Variants in FGF2 observed in about 807,000 individuals in gnomAD.
FGF2 encodes basic fibroblast growth factor bFGF.
A neutral mutation model predicts 15.9 loss-of-function variants in FGF2; 13 were observed. The observed-to-expected ratio is 0.82, with a 90% CI of 0.53 to 1.30. FGF2 has a LOEUF of 1.30. Among genes scored for constraint, FGF2 ranks in the 50% most tolerant of loss-of-function variants. The pLI is 0.00. For synonymous variants in FGF2, 90 were observed against 78.4 expected, an observed-to-expected ratio of 1.15 and a Z score of -0.78; for missense variants, 163 against 196.9, an observed-to-expected ratio of 0.83 and a Z score of 1.03.
intron 1 of FGF2, among the ~76,000 whole-genome samples, chr4:122,839,746 G>C (rs1725938646): frequency 6.6e-6 from 1 of 152,118 alleles, no homozygotes; most frequent in Non-Finnish European, 1.5e-5. Flanking sequence ...TCTTGCTGCA[G>C]CTTGTCTAGT....
chr4:122,827,010 C>T lies in FGF2; in HGVS notation c.-165C>T, dbSNP rs1725648937. On this transcript the variant is annotated 5_prime_UTR_variant, in exon 1 of 3. Transcript: ENST00000644866. This position sits in a 1 kb window ranked among gnomAD's most constrained non-coding sequence, Gnocchi z 4.2. Reference sequence around the variant, plus strand: ...AGAAGAGCGGCCGAGCGGCTCGAGGCTGGGGGACCGCGGGCGCGGCCGCGC... The same window carrying T: ...AGAAGAGCGGCCGAGCGGCTCGAGGTTGGGGGACCGCGGGCGCGGCCGCGC... 2.5e-6 allele frequency: 3 copies of T among 1,215,620 alleles called. No homozygotes were observed. The highest frequency in any genetic ancestry group is 3.1e-6 in the Non-Finnish European group (3 of 978,522). The allele number at this position is 1,215,620 out of a possible 1,614,324, so 75.3% of individuals were successfully genotyped here.
In FGF2 at chr4:122,892,585, A is replaced by G. The variant is rs551476719; in HGVS notation, c.*189A>G. ...AAAAATAACAAAAGTTGTAAAATGTATATTCTCCCTTTTATATTGCATCTG... is the reference window on the plus strand; with the variant it reads ...AAAAATAACAAAAGTTGTAAAATGTGTATTCTCCCTTTTATATTGCATCTG... On this transcript the variant is annotated 3_prime_UTR_variant, in exon 3 of 3. Transcript: ENST00000644866. 5 of 1,443,976 alleles carry G rather than the reference A, an allele frequency of 3.5e-6. No homozygotes were observed. Among genetic ancestry groups the G allele is most frequent in the African/African-American group, 2.9e-5 (2 of 69,900 alleles). The allele number at this position is 1,443,976 out of a possible 1,614,324, so 89.4% of individuals were successfully genotyped here.
intron 1 of FGF2, among the ~76,000 whole-genome samples, chr4:122,859,736 A>G (rs1298843042): frequency 6.6e-6 from 1 of 152,168 alleles, no homozygotes; most frequent in Non-Finnish European, 1.5e-5. Context: ...AGTTACTTGG[A>G]GATGAAGGCT....
chr4:122,895,461 A>T lies in FGF2; in HGVS notation c.*3065A>T, dbSNP rs956177693. 15 of 152,198 alleles carry T rather than the reference A, an allele frequency of 9.9e-5. No individual in the cohort carries two copies. The highest frequency in any genetic ancestry group is 9.2e-4 in the Admixed American group (14 of 15,278). The allele number at this position is 152,198 out of a possible 1,614,324, so 9.4% of individuals were successfully genotyped here. ...TTAGATTGAAATAAAATATAATGGG[A>T]AATAATCTGCAGAATGTGGGTTTTC... On this transcript the variant is annotated 3_prime_UTR_variant, in exon 3 of 3. Coordinates refer to ENST00000644866, the MANE Select transcript of FGF2 (RefSeq NM_001361665.2).
In FGF2 at chr4:122,895,433, G is replaced by T. The variant is rs113615485; in HGVS notation, c.*3037G>T. The T allele has an allele frequency of 1.3e-5, 2 of 152,240 alleles. No homozygotes were observed. The highest frequency in any genetic ancestry group is 4.8e-5 in the African/African-American group (2 of 41,550). 9.4% of individuals were successfully genotyped at this position (152,240 alleles called of 1,614,324 possible). On this transcript the variant is annotated 3_prime_UTR_variant, in exon 3 of 3. Transcript: ENST00000644866. ...TTCTATTTTGTTATATTTAATAATA[G>T]AATTAGATTGAAATAAAATATAATG...
At chr4:122,852,231 T>C (rs1726248459) in intron 1 of FGF2, among the ~76,000 whole-genome samples, 1 of 152,200 alleles carries the variant, frequency 6.6e-6, no homozygotes, top group African/African-American at 2.4e-5. Flanking sequence ...GCAGCTGCAG[T>C]CAAGTGGTCA....
intron 2 of FGF2, among the ~76,000 whole-genome samples, chr4:122,881,165 A>C (rs1726953882): frequency 6.6e-6 from 1 of 152,044 alleles, no homozygotes; most frequent in African/African-American, 2.4e-5. Flanking sequence ...AGCTCATGAA[A>C]CCATTTTTTC....
chr4:122,846,593 G>A (rs1355583772), intron 1 of FGF2, among the ~76,000 whole-genome samples: 3 of 152,154 alleles, frequency 2.0e-5, no homozygotes, highest in Non-Finnish European at 4.4e-5. Context: ...TAGTAAATAG[G>A]AAGACTGAGA....
intron 1 of FGF2, among the ~76,000 whole-genome samples, chr4:122,833,818 T>C (rs1383269061): frequency 6.6e-6 from 1 of 152,184 alleles, no homozygotes; most frequent in East Asian, 1.9e-4. Flanking sequence ...TGAAGATAAT[T>C]ATATATAGCA....
chr4:122,892,504 T>C lies in FGF2; in HGVS notation c.*108T>C, dbSNP rs549279198. 83 of 1,548,042 alleles carry C rather than the reference T, an allele frequency of 5.4e-5. No homozygotes were observed. In the Middle Eastern group the frequency reaches 8.9e-4, roughly 17 times the overall value. ...AATGTGTATAGCTCAGTTTGGATAA[T>C]TGGTCAAACAATTTTTTATCCAGTA... On this transcript the variant is annotated 3_prime_UTR_variant, in exon 3 of 3. Coordinates refer to ENST00000644866, the MANE Select transcript of FGF2 (RefSeq NM_001361665.2).
rs1727373924 is a variant in FGF2, at chr4:122,896,893, A to G, written c.*4497A>G. 1 of 152,230 alleles carries G rather than the reference A, an allele frequency of 6.6e-6. No homozygotes were observed. The highest frequency in any genetic ancestry group is 2.1e-4 in the South Asian group (1 of 4,828). The allele number at this position is 152,230 out of a possible 1,614,324, so 9.4% of individuals were successfully genotyped here. ...GGAGAAATAATATTGGTATCAAACA[A>G]ATACATTGATTTGTCATGATACACA... is the stretch of plus-strand genomic sequence containing the variant. On this transcript the variant is annotated 3_prime_UTR_variant, in exon 3 of 3. Coordinates refer to ENST00000644866, the MANE Select transcript of FGF2 (RefSeq NM_001361665.2).
chr4:122,830,133 G>A (rs1425060503), intron 1 of FGF2, among the ~76,000 whole-genome samples: 1 of 152,122 alleles, frequency 6.6e-6, no homozygotes, highest in Non-Finnish European at 1.5e-5. Context: ...CTAAACTGCA[G>A]GTAACTTTTG....
chr4:122,829,217 T>C (rs1725710147), intron 1 of FGF2, among the ~76,000 whole-genome samples: 1 of 152,222 alleles, frequency 6.6e-6, no homozygotes, highest in African/African-American at 2.4e-5. Flanking sequence ...TCTTCCTAAC[T>C]GTGAGTTGGG....
In FGF2 at chr4:122,826,956, G is replaced by C; in HGVS notation, c.-219G>C. 2.2e-6 allele frequency: 3 copies of C among 1,349,074 alleles called. No homozygotes were observed. Among genetic ancestry groups the C allele is most frequent in the Non-Finnish European group, 2.9e-6 (3 of 1,045,316 alleles). 83.6% of individuals were successfully genotyped at this position (1,349,074 alleles called of 1,614,324 possible). ...CGTGAACCCCAGGTCCCGGGCCGCC[G>C]GCTCGCCGCGCACCAGGGGCCGGCG... On this transcript the variant is annotated 5_prime_UTR_variant, in exon 1 of 3. Transcript: ENST00000644866.
intron 1 of FGF2, among the ~76,000 whole-genome samples, chr4:122,847,549 A>G (rs1362470269): frequency 6.6e-6 from 1 of 152,182 alleles, no homozygotes; most frequent in East Asian, 1.9e-4. Flanking sequence ...CTCGATTTTT[A>G]GGAGGCTTGT....
chr4:122,827,025 C>T lies in FGF2; in HGVS notation c.-150C>T, dbSNP rs1386626033. The T allele has an allele frequency of 8.4e-7, 1 of 1,184,812 alleles. No individual in the cohort carries two copies. The allele number at this position is 1,184,812 out of a possible 1,614,324, so 73.4% of individuals were successfully genotyped here. On this transcript the variant is annotated 5_prime_UTR_variant, in exon 1 of 3. Coordinates refer to ENST00000644866, the MANE Select transcript of FGF2 (RefSeq NM_001361665.2). This position sits in a 1 kb window ranked among gnomAD's most constrained non-coding sequence, Gnocchi z 4.2. ...CGGCTCGAGGCTGGGGGACCGCGGG[C>T]GCGGCCGCGCGCTGCCGGGCGGGAG...
intron 1 of FGF2, among the ~76,000 whole-genome samples, chr4:122,830,849 G>C (rs1456952844): frequency 1.4e-5 from 2 of 143,558 alleles, no homozygotes; most frequent in South Asian, 4.5e-4. Flanking sequence ...AATGAGAGTA[G>C]TTAGAAGTAC....
At chr4:122,850,758 G>C (rs1393199121) in intron 1 of FGF2, among the ~76,000 whole-genome samples, 1 of 152,108 alleles carries the variant, frequency 6.6e-6, no homozygotes, top group Non-Finnish European at 1.5e-5. Flanking sequence ...AATCTCACAA[G>C]AAGAAGGGAG....
intron 1 of FGF2, among the ~76,000 whole-genome samples, chr4:122,856,241 T>G (rs544014344): frequency 3.9e-5 from 6 of 152,340 alleles, no homozygotes; most frequent in Non-Finnish European, 8.8e-5. Context: ...ACAATATTCA[T>G]TTGGCTTTAA....
Sources: allele counts gnomAD v4.1 joint callset (sites outside exome capture counted in the v4.1 genomes callset), GRCh38; gene constraint gnomAD v4.1.1; non-coding constraint Gnocchi (gnomAD v3.1); transcripts MANE v1.5; gene names NCBI Gene and HGNC (gene_info 2026-07-23, HGNC 2026-07-21).